The following OSBP2 variants were observed in gnomAD, a reference collection of about 807,000 sequenced individuals.
OSBP2 encodes the protein oxysterol binding protein 2, also known as oxysterol-binding protein 2.
Under a neutral mutation model 96.0 loss-of-function variants are expected in OSBP2, and 66 were observed. That is an observed-to-expected ratio of 0.69 (90% CI 0.56 to 0.84). The LOEUF is 0.84. OSBP2 is among the 40% of genes least tolerant of loss of function. The pLI, the probability that OSBP2 is intolerant of heterozygous loss-of-function variation, is 0.00. For synonymous variants in OSBP2, 525 were observed against 520.9 expected (o/e 1.01, Z -0.11); for missense variants, 1,038 against 1,222.7 (o/e 0.85, Z 2.25).
At chr22:30,752,903 G>C (rs1291846976) in intron 2 of OSBP2, among the ~76,000 whole-genome samples, 1 of 152,198 alleles carries the variant, frequency 6.6e-6, no homozygotes, top group Non-Finnish European at 1.5e-5. Flanking sequence ...GCTACAAAAA[G>C]TCTTAAGATC....
chr22:30,885,697 G>C (rs1003270842), intron 3 of OSBP2, among the ~76,000 whole-genome samples: 2 of 152,250 alleles, frequency 1.3e-5, no homozygotes. Flanking sequence ...AAGGGCCAGT[G>C]ACAAACCTGA....
intron 2 of OSBP2, among the ~76,000 whole-genome samples, chr22:30,821,611 T>G (rs2038275277): frequency 6.6e-6 from 1 of 151,848 alleles, no homozygotes; most frequent in Non-Finnish European, 1.5e-5. Flanking sequence ...AGCTCAGATT[T>G]GGACAGTTGG....
In OSBP2 at chr22:30,881,254, C is replaced by T. The variant is rs2039696665; in HGVS notation, c.1108-6172C>T. On this transcript the variant is annotated intron_variant, in intron 3 of 13. Coordinates refer to ENST00000332585, the MANE Select transcript of OSBP2 (RefSeq NM_030758.4). The surrounding 1 kb of genome is among the most constrained non-coding windows in gnomAD (Gnocchi z 4.5). The stretch of plus-strand genomic sequence containing the variant: ...CAGGGCCAGGACACTGGAACTCTGT[C>T]CCCACGCTGAGGACAATCAACCTGA... Among the ~76,000 whole-genome samples the T allele has an allele frequency of 6.6e-6, 1 of 152,194 alleles. No individual in the cohort carries two copies. The highest frequency in any genetic ancestry group is 1.5e-5 in the Non-Finnish European group (1 of 68,032).
intron 2 of OSBP2, among the ~76,000 whole-genome samples, chr22:30,820,616 C>CT (rs2038253477): frequency 6.6e-6 from 1 of 152,052 alleles, no homozygotes; most frequent in Admixed American, 6.5e-5. Context: ...ACCTCAGAGC[C>CT]TTAGTCTCCT....
chr22:30,888,390 G>A (rs1302973219), intron 5 of OSBP2, 50 bp downstream of exon 5: 1 of 1,100,658 alleles, frequency 9.1e-7, no homozygotes, highest in Admixed American at 1.7e-5. Context: ...GTCTTAGGCT[G>A]CATCTGGTCT....
At chr22:30,822,491 G>A (rs1199627753) in intron 2 of OSBP2, 2 of 1,140,740 alleles carry the variant, frequency 1.8e-6, no homozygotes, top group Non-Finnish European at 2.3e-6. Flanking sequence ...GTGGTGCATT[G>A]TGGTAACGCG....
chr22:30,747,234 A>G (rs2090014749), intron 2 of OSBP2, among the ~76,000 whole-genome samples: 1 of 152,194 alleles, frequency 6.6e-6, no homozygotes, highest in African/African-American at 2.4e-5. Flanking sequence ...GTGACAGCTT[A>G]AAGGGTATGG....
In OSBP2 at chr22:30,870,586, G is replaced by T; in HGVS notation, c.1011G>T (p.Leu337=). Residue 337 remains leucine, a synonymous_variant, in exon 3 of 14, where the codon CTG becomes CTT. Coordinates refer to ENST00000332585, the MANE Select transcript of OSBP2 (RefSeq NM_030758.4). This position sits in a 1 kb window ranked among gnomAD's most constrained non-coding sequence, Gnocchi z 4.1. ...CACTCCAGCGCTCCCTGACAGAGCT[G>T]GACGGCCTCAAGATCCCATCTGAGA... ...GAALQRSLTE[L]DGLKIPSESG... 6.2e-7 allele frequency: 1 copy of T among 1,614,016 alleles called. No homozygotes were observed. Among genetic ancestry groups the T allele is most frequent in the East Asian group, 2.2e-5 (1 of 44,858 alleles).
chr22:30,827,641 A>G (rs58832459), intron 2 of OSBP2, among the ~76,000 whole-genome samples: 6,673 of 152,290 alleles, frequency 0.044, 465 homozygotes, highest in African/African-American at 0.15. Flanking sequence ...GGCCAGGAAG[A>G]ACGGTTTCAA....
intron 1 of OSBP2, among the ~76,000 whole-genome samples, chr22:30,733,424 GC>G (rs1385609302): frequency 6.6e-6 from 1 of 152,122 alleles, no homozygotes; most frequent in Non-Finnish European, 1.5e-5. Flanking sequence ...GCATTTCCTG[GC>G]CTGGTTTCCA....
At chr22:30,777,869 C>G (rs141981834) in intron 2 of OSBP2, among the ~76,000 whole-genome samples, 1 of 151,962 alleles carries the variant, frequency 6.6e-6, no homozygotes, top group Non-Finnish European at 1.5e-5. Flanking sequence ...GGGAGGAAAT[C>G]GATGCTCTGT....
At chr22:30,712,328 A>G (rs2089366103) in intron 1 of OSBP2, among the ~76,000 whole-genome samples, 1 of 152,092 alleles carries the variant, frequency 6.6e-6, no homozygotes, top group Non-Finnish European at 1.5e-5. Flanking sequence ...GAGCCCAGGA[A>G]ATTCTTGTTG....
At chr22:30,822,402 AGCACCGCC>A in intron 2 of OSBP2, 1 of 790,450 alleles carries the variant, frequency 1.3e-6, no homozygotes, top group Non-Finnish European at 1.7e-6. Context: ...AGTGGTAGGC[AGCACCGCC>A]GCTCAGGCTG....
intron 2 of OSBP2, among the ~76,000 whole-genome samples, chr22:30,823,692 A>G (rs1362179503): frequency 6.6e-6 from 1 of 152,234 alleles, no homozygotes; most frequent in Admixed American, 6.5e-5. Context: ...CTCTTGAAAC[A>G]CCATATGAGG....
In OSBP2 at chr22:30,701,412, C is replaced by T. The variant is rs540536742; in HGVS notation, c.644+5859C>T. ...AGGCCGGAGTGCAGTGACATGATCT[C>T]GACTCACTGCAAGCTCCGCCTCCCA... On this transcript the variant is annotated intron_variant, in intron 1 of 13. Coordinates refer to ENST00000332585, the MANE Select transcript of OSBP2 (RefSeq NM_030758.4). Among the ~76,000 whole-genome samples, 215 of 142,620 alleles carry T rather than the reference C, an allele frequency of 1.5e-3. 1 individual carries two copies. The highest frequency in any genetic ancestry group is 5.0e-3 in the African/African-American group (195 of 38,964). 93.6% of individuals were successfully genotyped at this position (142,620 alleles called of 152,430 possible).
intron 3 of OSBP2, among the ~76,000 whole-genome samples, chr22:30,880,953 T>C (rs2039691057): frequency 6.6e-6 from 1 of 152,134 alleles, no homozygotes; most frequent in South Asian, 2.1e-4. Context: ...CAGGCCAGAC[T>C]TCTCAGTAGG....
chr22:30,819,801 C>A (rs1340510123), intron 2 of OSBP2, among the ~76,000 whole-genome samples: 1 of 152,186 alleles, frequency 6.6e-6, no homozygotes, highest in African/African-American at 2.4e-5. Context: ...GTAAGCCAGG[C>A]ATGGCTCTGG....
At chr22:30,840,246 T>A (rs2038722125) in intron 2 of OSBP2, among the ~76,000 whole-genome samples, 1 of 151,430 alleles carries the variant, frequency 6.6e-6, no homozygotes, top group Non-Finnish European at 1.5e-5. Flanking sequence ...GTGCATCTTG[T>A]TGCAAACAAA....
rs779895542 is a variant in OSBP2, at chr22:30,889,593, TGAA to T, written c.1584_1586del (p.Lys528del). The T allele has an allele frequency of 1.9e-6, 3 of 1,614,070 alleles. No homozygotes were observed. The highest frequency in any genetic ancestry group is 2.5e-6 in the Non-Finnish European group (3 of 1,180,032). ...TACAGCCTTAACCTCTGGAGCATCA[TGAA>T]GAACTGCATCGGCCGGGAGCTCTCC... On this transcript the variant is annotated inframe_deletion, in exon 7 of 14. Coordinates refer to ENST00000332585, the MANE Select transcript of OSBP2 (RefSeq NM_030758.4).
Sources: gnomAD v4.1 joint callset for allele counts (sites outside exome capture counted in the v4.1 genomes callset) on GRCh38, gnomAD v4.1.1 for gene constraint, Gnocchi (gnomAD v3.1) non-coding constraint, MANE v1.5 for transcripts, NCBI Gene and HGNC (gene_info 2026-07-23, HGNC 2026-07-21) for gene names.